PLEKHS1: variants seen among roughly 807,000 people sequenced by gnomAD.
PLEKHS1 encodes pleckstrin homology domain-containing family S member 1.
In PLEKHS1, 55 loss-of-function variants were observed where a neutral mutation model predicts 51.0. That is an observed-to-expected ratio of 1.08 (90% confidence interval 0.87 to 1.35). PLEKHS1 has a LOEUF of 1.35. Among genes scored for constraint, PLEKHS1 ranks in the 40% most tolerant of loss-of-function variants. The pLI is 0.00. For synonymous variants in PLEKHS1, 153 were observed against 144.8 expected (o/e 1.06, Z -0.41); for missense variants, 398 against 423.0 (o/e 0.94, Z 0.52).
chr10:113,757,524 G>C (rs761577715), intron 2 of PLEKHS1, among the ~76,000 whole-genome samples: 1 of 152,164 alleles, frequency 6.6e-6, no homozygotes, highest in African/African-American at 2.4e-5. Flanking sequence ...GCTAAGATTT[G>C]CTAACAATTA....
At chr10:113,774,729 TTCACA>T in intron 9 of PLEKHS1, 92 bp from the exon 10 acceptor site, 11 of 1,097,952 alleles carry the variant, frequency 1.0e-5, no homozygotes, top group Non-Finnish European at 1.5e-5. Flanking sequence ...CTTGCTAGTC[TTCACA>T]TGGCTGTTAG....
At chr10:113,773,140 G>A (rs1046889222) in intron 8 of PLEKHS1, among the ~76,000 whole-genome samples, 4 of 152,198 alleles carry the variant, frequency 2.6e-5, no homozygotes, top group African/African-American at 9.7e-5. Context: ...GTTAAAATAA[G>A]TTAAACAAGC....
Position 113,769,767 on chromosome 10 carries a change from C to G in PLEKHS1, c.436-17C>G. The G allele has an allele frequency of 2.6e-6, 4 of 1,544,414 alleles. No homozygotes were observed. In the South Asian group the frequency reaches 4.5e-5, roughly 17 times the overall value. ...GAGATCAACTGTGCCCTGACTGATT[C>G]CTTTTTTTGTGAGCAGGAGGAACTC... is the stretch of plus-strand genomic sequence containing the variant. On this transcript the variant is annotated splice_polypyrimidine_tract_variant and intron_variant, in intron 6 of 11. Coordinates refer to ENST00000361048, the Ensembl canonical transcript of PLEKHS1.
intron 2 of PLEKHS1, among the ~76,000 whole-genome samples, chr10:113,763,892 T>G (rs150566933): frequency 7.2e-5 from 11 of 152,308 alleles, no homozygotes; most frequent in Non-Finnish European, 1.3e-4. Context: ...TGCTTTCAAT[T>G]TGTTTAAATT....
At chr10:113,775,527 G>A (rs889577299) in intron 10 of PLEKHS1, among the ~76,000 whole-genome samples, 2 of 152,136 alleles carry the variant, frequency 1.3e-5, no homozygotes, top group African/African-American at 4.8e-5. Flanking sequence ...GCCTGATGTG[G>A]ACAGTTACAT....
intron 4 of PLEKHS1, 73 bp from the exon 5 acceptor site, chr10:113,767,272 A>G (rs1844204754): frequency 1.8e-6 from 2 of 1,132,074 alleles, no homozygotes; most frequent in African/African-American, 3.2e-5. Context: ...TTCCATTTGA[A>G]TCCCAATATA....
chr10:113,766,444 T>A (rs771767388), exon 3 of PLEKHS1: 1 of 1,596,892 alleles, frequency 6.3e-7, no homozygotes, highest in Non-Finnish European at 8.6e-7. Flanking sequence ...GAAAATGAAG[T>A]CTGCAAACAA....
intron 3 of PLEKHS1, 46 bp downstream of exon 3, chr10:113,766,545 G>A: frequency 6.3e-7 from 1 of 1,582,622 alleles, no homozygotes; most frequent in Non-Finnish European, 8.7e-7. Context: ...AGCCTCATGA[G>A]CATTTTTAAA....
intron 2 of PLEKHS1, among the ~76,000 whole-genome samples, chr10:113,755,701 A>C (rs757947913): frequency 2.4e-4 from 37 of 152,206 alleles, no homozygotes; most frequent in Non-Finnish European, 4.4e-4. Flanking sequence ...CACCATGTAC[A>C]GCCCCAGAAC....
exon 9 of PLEKHS1, chr10:113,774,291 T>C: frequency 6.3e-7 from 1 of 1,591,604 alleles, no homozygotes. Flanking sequence ...CCAGACCAGG[T>C]CTCTGGAAGA....
intron 2 of PLEKHS1, among the ~76,000 whole-genome samples, chr10:113,756,944 TCTCA>T (rs1387531279): frequency 1.6e-5 from 2 of 123,148 alleles, no homozygotes; most frequent in South Asian, 2.7e-4. Context: ...TGAGACGGAG[TCTCA>T]CTCTGTCGCT....
intron 2 of PLEKHS1, among the ~76,000 whole-genome samples, chr10:113,758,267 AAAT>A (rs2134476193): frequency 6.6e-6 from 1 of 152,336 alleles, no homozygotes; most frequent in East Asian, 1.9e-4. Context: ...TGTATTTCTT[AAAT>A]AATAAGACTT....
rs138825407 is a variant in PLEKHS1, at chr10:113,780,486, C to T, written c.*-116C>T. On this transcript the variant is annotated intron_variant, in intron 11 of 11. Transcript: ENST00000361048. ...TATTTCTGGCCCAGATATTACAGTT[C>T]ACTGCAGGACTTTCTTCAATACCAG... is the stretch of plus-strand genomic sequence containing the variant. The T allele has an allele frequency of 2.2e-3, 2,030 of 943,414 alleles. 1 individual carries two copies. Among genetic ancestry groups the T allele is most frequent in the Non-Finnish European group, 2.9e-3 (1,756 of 609,262 alleles). 58.4% of individuals were successfully genotyped at this position (943,414 alleles called of 1,614,324 possible).
chr10:113,775,008 CTG>C lies in PLEKHS1; in HGVS notation c.964_965del (p.Val322CysfsTer9). ...GACCAAAAGGGGTCGGCCTCACTAA[CTG>C]TTGTGCAATTGTCTATATTAATCAA... On this transcript the variant is annotated frameshift_variant, in exon 10 of 12. Transcript: ENST00000361048. LOFTEE classifies it high-confidence loss of function. The C allele has an allele frequency of 6.2e-7, 1 of 1,614,134 alleles. No homozygotes were observed. Among genetic ancestry groups the C allele is most frequent in the Non-Finnish European group, 8.5e-7 (1 of 1,180,000 alleles).
chr10:113,753,199 T>C (rs1853927877), intron 1 of PLEKHS1, among the ~76,000 whole-genome samples: 1 of 152,072 alleles, frequency 6.6e-6, no homozygotes, highest in African/African-American at 2.4e-5. Context: ...CATCACTCAT[T>C]AGGCTAACAG....
rs1844372723 is a variant in PLEKHS1 at position 113,770,890 on chromosome 10, GTGT to G, written c.552+999_552+1001del. Among the ~76,000 whole-genome samples the G allele has an allele frequency of 2.0e-5, 3 of 152,262 alleles. No individual in the cohort carries two copies. In the South Asian group the frequency reaches 6.2e-4, roughly 32 times the overall value. ...ACAGTACTGTTTGCCTTGCTGGGTG[GTGT>G]TGTTGTTGGTTAAATTAAGTGGGCT... On this transcript the variant is annotated intron_variant, in intron 7 of 11. Coordinates refer to ENST00000361048, the Ensembl canonical transcript of PLEKHS1.
Position 113,774,854 on chromosome 10 carries a change from G to A in PLEKHS1, c.808G>A (p.Val270Met). 1.2e-6 allele frequency: 2 copies of A among 1,614,032 alleles called. No homozygotes were observed. Among genetic ancestry groups the A allele is most frequent in the Non-Finnish European group, 1.7e-6 (2 of 1,179,932 alleles). The change falls in exon 10 of 12, where the codon GTG (valine) becomes ATG (methionine). Residue 270 changes from valine (V) to methionine (M), a missense_variant. By Grantham distance (21) the Val-to-Met change is conservative. Transcript: ENST00000361048. The stretch of plus-strand genomic sequence containing the variant: ...TTTCAAAGAGACATCCCATGAGTCT[G>A]TGGATAGCAGCAAAGAGGAACCCCA...
At chr10:113,766,537 C>G (rs992141510) in intron 3 of PLEKHS1, 38 bp downstream of exon 3, 2 of 1,577,562 alleles carry the variant, frequency 1.3e-6, no homozygotes, top group Admixed American at 3.4e-5. Flanking sequence ...CTCCCACCAG[C>G]CTCATGAGCA....
chr10:113,763,347 C>T (rs1188993317), intron 2 of PLEKHS1, among the ~76,000 whole-genome samples: 12 of 152,048 alleles, frequency 7.9e-5, no homozygotes, highest in Non-Finnish European at 1.6e-4. Flanking sequence ...AAGTGTGTTT[C>T]TTACAGGCAG....
Sources: gnomAD v4.1 joint callset for allele counts (sites outside exome capture counted in the v4.1 genomes callset) on GRCh38, gnomAD v4.1.1 for gene constraint, MANE v1.5 for transcripts, NCBI Gene and HGNC (gene_info 2026-07-23, HGNC 2026-07-21) for gene names.